The following AUH variants were observed in gnomAD, a reference collection of about 807,000 sequenced individuals.
AUH encodes the protein methylglutaconyl-CoA hydratase, mitochondrial.
AUH carries 29 observed loss-of-function variants against 42.3 expected under a neutral mutation model. The observed-to-expected ratio is 0.69, with a 90% CI of 0.51 to 0.93. The LOEUF is 0.93. AUH is among the 40% of genes least tolerant of loss of function. The probability of loss-of-function intolerance (pLI) is 0.00; values close to 1 mark genes in which losing one functional copy is unlikely to be tolerated. For missense variants in AUH, 452 were observed against 438.1 expected, an observed-to-expected ratio of 1.03 and a Z score of -0.28; for synonymous variants, 174 against 166.4, an observed-to-expected ratio of 1.05 and a Z score of -0.35.
chr9:91,294,546 C>CA (rs1195254722), intron 6 of AUH: 6 of 365,820 alleles, frequency 1.6e-5, no homozygotes, highest in South Asian at 4.2e-5. Flanking sequence ...GACTCCGTCT[C>CA]AAAAAAACAA....
chr9:91,256,226 ATC>A (rs1829396521), intron 6 of AUH, among the ~76,000 whole-genome samples: 1 of 152,206 alleles, frequency 6.6e-6, no homozygotes, highest in Admixed American at 6.5e-5. Context: ...ACTTCATGAA[ATC>A]TGTCCTAAAA....
chr9:91,217,703 T>G (rs114133271), intron 7 of AUH, among the ~76,000 whole-genome samples: 1,748 of 152,256 alleles, frequency 0.011, 35 homozygotes, highest in African/African-American at 0.04. Flanking sequence ...TGAAAGAAGC[T>G]TGGGCTGGGG....
intron 6 of AUH, among the ~76,000 whole-genome samples, chr9:91,290,680 G>C (rs1826794663): frequency 6.6e-6 from 1 of 152,176 alleles, no homozygotes; most frequent in Admixed American, 6.5e-5. Context: ...ATGGCACAGT[G>C]AGTTCACAAG....
At chr9:91,329,698 C>T (rs1025440217) in intron 3 of AUH, among the ~76,000 whole-genome samples, 5 of 151,844 alleles carry the variant, frequency 3.3e-5, no homozygotes, top group African/African-American at 1.2e-4. Flanking sequence ...TTGCCTTTCA[C>T]TTTCTTGGTG....
At chr9:91,278,146 G>GTT (rs1213327701) in intron 6 of AUH, among the ~76,000 whole-genome samples, 1 of 152,190 alleles carries the variant, frequency 6.6e-6, no homozygotes, top group Non-Finnish European at 1.5e-5. Context: ...GCTGCATGAA[G>GTT]TAAGATCACA....
rs553913193 is a variant in AUH, at chr9:91,319,320, T to C, written c.505+5998A>G. Among the ~76,000 whole-genome samples, 10 of 152,352 alleles carry C rather than the reference T, an allele frequency of 6.6e-5. No individual in the cohort carries two copies. The East Asian group carries it at 1.7e-3, about 26-fold the overall frequency. ...TCAATGACATCTCCTTGCTAACTTATGGATTTAATGTTGTAAATTCCCCTC... is the reference window on the plus strand; with the variant it reads ...TCAATGACATCTCCTTGCTAACTTACGGATTTAATGTTGTAAATTCCCCTC... On this transcript the variant is annotated intron_variant, in intron 4 of 9. Coordinates refer to ENST00000375731, the MANE Select transcript of AUH (RefSeq NM_001698.3).
intron 4 of AUH, among the ~76,000 whole-genome samples, chr9:91,322,108 A>G (rs1162835900): frequency 6.6e-6 from 1 of 152,244 alleles, no homozygotes; most frequent in African/African-American, 2.4e-5. Context: ...TCATTAATAA[A>G]TATGGAGGAA....
intron 7 of AUH, among the ~76,000 whole-genome samples, chr9:91,220,177 C>T (rs977750215): frequency 3.3e-5 from 5 of 152,176 alleles, no homozygotes; most frequent in East Asian, 1.9e-4. Flanking sequence ...TGTCAGTGCA[C>T]GGCCACTGAT....
chr9:91,355,879 A>T lies in AUH; in HGVS notation c.418+4T>A. ...TAATTTCATAATACAACATATTTAC[A>T]TACCAGCACAGAATATCCCTGGGAC... On this transcript the variant is annotated splice_donor_region_variant and intron_variant, in intron 3 of 9. Coordinates refer to ENST00000375731, the MANE Select transcript of AUH (RefSeq NM_001698.3). 1.2e-6 allele frequency: 2 copies of T among 1,600,970 alleles called. No individual in the cohort carries two copies. The highest frequency in any genetic ancestry group is 1.1e-5 in the South Asian group (1 of 90,808).
At chr9:91,269,607 C>T (rs919070464) in intron 6 of AUH, among the ~76,000 whole-genome samples, 2 of 152,052 alleles carry the variant, frequency 1.3e-5, no homozygotes, top group African/African-American at 4.8e-5. Flanking sequence ...AATGAATTTC[C>T]AAATGTAATG....
At chr9:91,252,476 T>C (rs780559748) in intron 6 of AUH, among the ~76,000 whole-genome samples, 47 of 152,244 alleles carry the variant, frequency 3.1e-4, no homozygotes, top group Non-Finnish European at 5.3e-4. Flanking sequence ...GGTGGTGCCA[T>C]CACCCTCATT....
intron 6 of AUH, among the ~76,000 whole-genome samples, chr9:91,225,022 C>T (rs1363123659): frequency 1.3e-5 from 2 of 152,142 alleles, no homozygotes; most frequent in Non-Finnish European, 2.9e-5. Context: ...ACAAATATCT[C>T]CGGAATAGTT....
At chr9:91,255,366 G>A (rs1829356277) in intron 6 of AUH, among the ~76,000 whole-genome samples, 2 of 152,130 alleles carry the variant, frequency 1.3e-5, no homozygotes, top group Non-Finnish European at 2.9e-5. Context: ...CCGAAGGAGT[G>A]GTTTCTGTTA....
chr9:91,348,389 C>A (rs1469128625), intron 3 of AUH, among the ~76,000 whole-genome samples: 2 of 152,162 alleles, frequency 1.3e-5, no homozygotes, highest in Admixed American at 1.3e-4. Context: ...AGTAATTCTA[C>A]TTCTGACTAT....
At chr9:91,357,389 CTG>C (rs1832497412) in intron 1 of AUH, 3 of 595,822 alleles carry the variant, frequency 5.0e-6, no homozygotes, top group South Asian at 1.5e-4. Flanking sequence ...TTGAATAAAA[CTG>C]TGTTACACTG....
At position 91,304,478 on chromosome 9, in the gene AUH, T is replaced by C. The variant is rs1262737064; in HGVS notation, c.506-6402A>G. On this transcript the variant is annotated intron_variant, in intron 4 of 9. Coordinates refer to ENST00000375731, the MANE Select transcript of AUH (RefSeq NM_001698.3). ...AGTAAGACCATGAGTGGCAACAGCATGAGGACAGCCTCACTGCAGTGCTGC... is the reference window on the plus strand; with the variant it reads ...AGTAAGACCATGAGTGGCAACAGCACGAGGACAGCCTCACTGCAGTGCTGC... 2.0e-5 allele frequency among the ~76,000 whole-genome samples: 3 copies of C among 152,342 alleles called. No individual in the cohort carries two copies. The East Asian group carries it at 5.8e-4, about 29-fold the overall frequency.
intron 3 of AUH, among the ~76,000 whole-genome samples, chr9:91,338,274 T>G (rs1830836353): frequency 6.6e-6 from 1 of 152,198 alleles, no homozygotes; most frequent in Admixed American, 6.5e-5. Context: ...TTCTGAAACG[T>G]GATGACACCT....
intron 6 of AUH, among the ~76,000 whole-genome samples, chr9:91,243,568 A>G (rs1828632225): frequency 6.6e-6 from 1 of 152,164 alleles, no homozygotes; most frequent in Admixed American, 6.5e-5. Context: ...GCCCACCTCA[A>G]TCTTATCTTG....
chr9:91,236,689 A>C (rs1362436833), intron 6 of AUH, among the ~76,000 whole-genome samples: 1 of 152,170 alleles, frequency 6.6e-6, no homozygotes, highest in African/African-American at 2.4e-5. Context: ...CTGAATGGGA[A>C]GGAGGAAGAG....
Sources: gnomAD v4.1 joint callset for allele counts (sites outside exome capture counted in the v4.1 genomes callset) on GRCh38, gnomAD v4.1.1 for gene constraint, MANE v1.5 for transcripts, NCBI Gene and HGNC (gene_info 2026-07-23, HGNC 2026-07-21) for gene names.